ARFGEF2: variants seen among roughly 807,000 people sequenced by gnomAD.
The protein encoded by ARFGEF2 is ARF guanine nucleotide exchange factor 2.
A neutral mutation model predicts 219.9 loss-of-function variants in ARFGEF2; 74 were observed. The ratio of observed to expected loss-of-function variants is 0.34; its 90% CI spans 0.28 to 0.41. The LOEUF (loss-of-function observed/expected upper bound fraction) is 0.41, where lower values mean the gene tolerates loss of function less well. ARFGEF2 is among the 10% of genes least tolerant of loss of function. The pLI, the probability that ARFGEF2 is intolerant of heterozygous loss-of-function variation, is 1.00. For synonymous variants in ARFGEF2, 733 were observed against 799.2 expected, an observed-to-expected ratio of 0.92 and a Z score of 1.40; for missense variants, 1,743 against 2,218.3, an observed-to-expected ratio of 0.79 and a Z score of 4.30.
chr20:49,011,831 A>ACG (rs2091500357), intron 27 of ARFGEF2, 93 bp from the exon 28 acceptor site: 1 of 1,112,746 alleles, frequency 9.0e-7, no homozygotes, highest in Non-Finnish European at 1.3e-6. Flanking sequence ...TCTCTGATGT[A>ACG]TGTGTGTGTG....
At chr20:48,953,863 T>C in intron 6 of ARFGEF2, 73 bp downstream of exon 6, 2 of 1,402,498 alleles carry the variant, frequency 1.4e-6, no homozygotes, top group Non-Finnish European at 2.0e-6. Context: ...AGAAGAAGTG[T>C]ATGTCATAAC....
intron 6 of ARFGEF2, among the ~76,000 whole-genome samples, chr20:48,960,805 G>A (rs2091143907): frequency 6.7e-6 from 1 of 150,270 alleles, no homozygotes; most frequent in Non-Finnish European, 1.5e-5. Context: ...TTTCTGGCTG[G>A]GCGCGGTGGC....
chr20:49,005,114 C>T lies in ARFGEF2; in HGVS notation c.3477C>T (p.Asp1159=). The T allele has an allele frequency of 6.2e-7, 1 of 1,614,190 alleles. No homozygotes were observed. The highest frequency in any genetic ancestry group is 8.5e-7 in the Non-Finnish European group (1 of 1,180,046). ...AAGATGTGGCTATCTTTGCTGTTGA[C>T]TCATTAAGGCAACTCTCCATGAAGT... ...PNEDVAIFAV[D]SLRQLSMKFL... Residue 1159 remains aspartate (D), a synonymous_variant, in exon 26 of 39, where the codon GAC becomes GAT. Transcript: ENST00000371917.
At position 49,028,540 on chromosome 20, in the gene ARFGEF2, C is replaced by T; in HGVS notation, c.4935C>T (p.Gly1645=). The T allele has an allele frequency of 1.2e-6, 2 of 1,614,126 alleles. No homozygotes were observed. Among genetic ancestry groups the T allele is most frequent in the African/African-American group, 2.7e-5 (2 of 75,038 alleles). ...CTGTCTGATCTCTAGGTTTTAAGGG[C>T]AAGTCTAAACCCAATCTTCTAAAAC... ...RTVLWRAGFK[G]KSKPNLLKQE... Residue 1645 remains glycine, a synonymous_variant, in exon 37 of 39, where the codon GGC becomes GGT. Transcript: ENST00000371917.
chr20:49,002,964 CT>C (rs558842301), intron 25 of ARFGEF2, among the ~76,000 whole-genome samples: 2,742 of 112,634 alleles, frequency 0.024, 36 homozygotes, highest in Non-Finnish European at 0.029. Flanking sequence ...ATTTTTTTAA[CT>C]TTTTTTTTTT....
intron 2 of ARFGEF2, 30 bp downstream of exon 2, chr20:48,941,259 A>G: frequency 6.2e-7 from 1 of 1,610,454 alleles, no homozygotes; most frequent in Non-Finnish European, 8.5e-7. Flanking sequence ...CCTTGCTGAG[A>G]TACGGCATGA....
At chr20:48,946,914 A>G (rs1600598933) in intron 3 of ARFGEF2, among the ~76,000 whole-genome samples, 1 of 151,660 alleles carries the variant, frequency 6.6e-6, no homozygotes, top group African/African-American at 2.4e-5. Flanking sequence ...TAATCCTCCC[A>G]CCTCAGCCTC....
At chr20:48,968,919 T>TA (rs2091207836) in intron 8 of ARFGEF2, among the ~76,000 whole-genome samples, 1 of 152,208 alleles carries the variant, frequency 6.6e-6, no homozygotes, top group Non-Finnish European at 1.5e-5. Flanking sequence ...AAGAGATAAT[T>TA]ACATTTCTAA....
chr20:49,020,060 G>A (rs1300125460), intron 34 of ARFGEF2, among the ~76,000 whole-genome samples: 6 of 152,138 alleles, frequency 3.9e-5, no homozygotes, highest in Non-Finnish European at 5.9e-5. Flanking sequence ...ACTGTCTTAC[G>A]TTTGAGGGAA....
chr20:49,023,400 A>AT (rs971141818), intron 35 of ARFGEF2, among the ~76,000 whole-genome samples: 5 of 151,788 alleles, frequency 3.3e-5, no homozygotes, highest in African/African-American at 4.8e-5. Flanking sequence ...TCAGGGCTTC[A>AT]TTTTTTTTAT....
intron 6 of ARFGEF2, among the ~76,000 whole-genome samples, chr20:48,960,829 C>G (rs570524655): frequency 7.3e-5 from 11 of 149,944 alleles, no homozygotes. Flanking sequence ...TGCCTGTAAT[C>G]CCAGCATTTT....
At position 48,947,208 on chromosome 20, in the gene ARFGEF2, G is replaced by C. The variant is rs563279082; in HGVS notation, c.277-4115G>C. On this transcript the variant is annotated intron_variant, in intron 3 of 38. Coordinates refer to ENST00000371917, the MANE Select transcript of ARFGEF2 (RefSeq NM_006420.3). Reference sequence around the variant, plus strand: ...GAGCTCAGGAGTTCAAGACCAGCTTGGGCAACATGGTGAGACCCCATCTCT... The same window carrying C: ...GAGCTCAGGAGTTCAAGACCAGCTTCGGCAACATGGTGAGACCCCATCTCT... 8.6e-5 allele frequency among the ~76,000 whole-genome samples: 13 copies of C among 151,494 alleles called. No homozygotes were observed. The South Asian group carries it at 2.7e-3, about 32-fold the overall frequency.
At chr20:49,017,209 G>T (rs555192784) in intron 31 of ARFGEF2, 40 bp from the exon 32 acceptor site, 1 of 1,608,484 alleles carries the variant, frequency 6.2e-7, no homozygotes, top group African/African-American at 1.3e-5. Context: ...CATCAAAATA[G>T]CAGTAGAAGT....
intron 21 of ARFGEF2, among the ~76,000 whole-genome samples, chr20:48,993,810 T>G (rs1291229940): frequency 6.6e-6 from 1 of 152,210 alleles, no homozygotes; most frequent in Non-Finnish European, 1.5e-5. Context: ...GTAGAGCATA[T>G]TCTCATTCCT....
intron 1 of ARFGEF2, among the ~76,000 whole-genome samples, chr20:48,939,111 G>T (rs2090978738): frequency 6.6e-6 from 1 of 151,708 alleles, no homozygotes; most frequent in South Asian, 2.1e-4. Context: ...AGTAGCTGGG[G>T]TTACAGGTGT....
At chr20:48,969,933 T>C (rs2091214479) in intron 9 of ARFGEF2, among the ~76,000 whole-genome samples, 1 of 152,252 alleles carries the variant, frequency 6.6e-6, no homozygotes, top group South Asian at 2.1e-4. Flanking sequence ...CCTTGTACTT[T>C]ATAAATTATC....
At chr20:48,986,799 A>C (rs1415333760) in intron 16 of ARFGEF2, among the ~76,000 whole-genome samples, 1 of 152,096 alleles carries the variant, frequency 6.6e-6, no homozygotes, top group Non-Finnish European at 1.5e-5. Context: ...TCCTGGGCTC[A>C]ATCAGTCCTC....
In ARFGEF2 at chr20:49,033,809, T is replaced by C. The variant is rs538584626; in HGVS notation, c.*610T>C. On this transcript the variant is annotated 3_prime_UTR_variant, in exon 39 of 39. Transcript: ENST00000371917. ...TATTTTACAAAAAGATATTGAAAAT[T>C]TGGTTGAAGGCAGAGTTTAGTAATT... is the stretch of plus-strand genomic sequence containing the variant. The C allele has an allele frequency of 6.5e-6, 1 of 152,870 alleles. No individual in the cohort carries two copies. The highest frequency in any genetic ancestry group is 2.4e-5 in the African/African-American group (1 of 41,584). The allele number at this position is 152,870 out of a possible 1,614,324, so 9.5% of individuals were successfully genotyped here.
chr20:48,985,369 T>A, intron 15 of ARFGEF2, 39 bp from the exon 16 acceptor site: 1 of 1,609,722 alleles, frequency 6.2e-7, no homozygotes, highest in Non-Finnish European at 8.5e-7. Context: ...GGGTTCGTAT[T>A]TGACAATTTC....
Sources: gnomAD v4.1 joint callset for allele counts (sites outside exome capture counted in the v4.1 genomes callset) on GRCh38, gnomAD v4.1.1 for gene constraint, MANE v1.5 for transcripts, NCBI Gene and HGNC (gene_info 2026-07-23, HGNC 2026-07-21) for gene names.